Variants in GZF1 observed in about 807,000 individuals in gnomAD.
GZF1 encodes GDNF-inducible zinc finger protein 1.
A neutral mutation model predicts 49.4 loss-of-function variants in GZF1; 28 were observed. That is an observed-to-expected ratio of 0.57 (90% CI 0.42 to 0.78). GZF1 has a LOEUF of 0.78. Ranked by LOEUF, GZF1 falls within the 30% of genes least tolerant of loss-of-function variation. The pLI, the probability that GZF1 is intolerant of heterozygous loss-of-function variation, is 0.00. For missense variants in GZF1, 798 were observed against 916.2 expected (o/e 0.87, Z 1.67); for synonymous variants, 364 against 356.0 (o/e 1.02, Z -0.25).
chr20:23,369,204 A>G (rs1364182309), intron 4 of GZF1, among the ~76,000 whole-genome samples: 1 of 152,234 alleles, frequency 6.6e-6, no homozygotes. Context: ...GTGTGAATGT[A>G]GGAAGTGGAT....
At chr20:23,361,545 C>A (rs564003327), upstream of GZF1, among the ~76,000 whole-genome samples, 27 of 152,288 alleles carry the variant, frequency 1.8e-4, no homozygotes, top group East Asian at 5.2e-3. Flanking sequence ...CGCGCCGAGC[C>A]CCCCAGCAGG....
intron 2 of GZF1, among the ~76,000 whole-genome samples, chr20:23,366,246 A>G (rs534335219): frequency 7.8e-4 from 119 of 152,220 alleles, no homozygotes; most frequent in Non-Finnish European, 1.0e-3. Flanking sequence ...CTGTTTCTTA[A>G]TATGTTTCTG....
rs546714023 is a variant in GZF1, at chr20:23,370,198, A to G, written c.1893A>G (p.Ser631=). 3 of 1,614,250 alleles carry G rather than the reference A, an allele frequency of 1.9e-6. No homozygotes were observed. The East Asian group carries it at 6.7e-5, about 36-fold the overall frequency. The part of the protein sequence containing the change: ...KTEQPDEEYV[S]SKLSDKLLSF... ...AACAGCCTGACGAAGAGTATGTGTC[A>G]TCCAAGCTTTCGGATAAATTGCTGT... is the stretch of plus-strand genomic sequence containing the variant. The change falls in exon 6 of 6, where the codon TCA becomes TCG. Residue 631 remains serine, a synonymous_variant. Transcript: ENST00000338121.
chr20:23,369,501 C>A, intron 4 of GZF1, 83 bp from the exon 5 acceptor site: 1 of 1,276,012 alleles, frequency 7.8e-7, no homozygotes, highest in Non-Finnish European at 1.1e-6. Flanking sequence ...TTTGCAACAG[C>A]ATCATTCACT....
In GZF1 at chr20:23,364,481, T is replaced by G; in HGVS notation, c.98T>G (p.Val33Gly). Residue 33 changes from valine (V) to glycine (G), a missense_variant, in exon 2 of 6, where the codon GTG becomes GGG. Around this residue, in one of 3 missense-constraint regions of GZF1, gnomAD observed 105 missense variants for 147.5 expected, o/e 0.71. Coordinates refer to ENST00000338121, the MANE Select transcript of GZF1 (RefSeq NM_022482.5). ...ELRLLGHLCD[V>G]TVSVEYQGVR... ...CGCCTCCTGGGTCACCTGTGTGACG[T>G]GACAGTCAGCGTGGAGTATCAGGGT... 2 of 1,614,246 alleles carry G rather than the reference T, an allele frequency of 1.2e-6. No individual in the cohort carries two copies. Among genetic ancestry groups the G allele is most frequent in the Non-Finnish European group, 1.7e-6 (2 of 1,180,038 alleles).
intron 5 of GZF1, 21 bp downstream of exon 5, chr20:23,369,762 T>A: frequency 6.3e-7 from 1 of 1,593,080 alleles, no homozygotes; most frequent in South Asian, 1.1e-5. Context: ...GGTTGGCTTA[T>A]TTGAGAAACA....
In GZF1 at chr20:23,364,588, A is replaced by G; in HGVS notation, c.205A>G (p.Ser69Gly). Residue 69 changes from serine (S) to glycine (G), a missense_variant, in exon 2 of 6, where the codon AGT (serine) becomes GGT (glycine). Physicochemically the swap from Ser to Gly is moderately conservative, Grantham distance 56 (BLOSUM62 0). Coordinates refer to ENST00000338121, the MANE Select transcript of GZF1 (RefSeq NM_022482.5). ...TAAGGAAGTGTTCCTTAATGAGAAG[A>G]GTGTGGATGGTACTAGGACTAATGT... ...FFKEVFLNEK[S>G]VDGTRTNVYL... The G allele has an allele frequency of 6.2e-7, 1 of 1,614,184 alleles. No individual in the cohort carries two copies. The highest frequency in any genetic ancestry group is 8.5e-7 in the Non-Finnish European group (1 of 1,180,036).
chr20:23,365,177 G>T lies in GZF1; in HGVS notation c.794G>T (p.Ser265Ile). 1 of 1,611,484 alleles carries T rather than the reference G, an allele frequency of 6.2e-7. No homozygotes were observed. The highest frequency in any genetic ancestry group is 1.1e-5 in the South Asian group (1 of 90,836). Residue 265 changes from serine (S) to isoleucine (I), a missense_variant, in exon 2 of 6, where the codon AGC (serine) becomes ATC (isoleucine). By Grantham distance (142) the Ser-to-Ile change is moderately radical. Around this residue, in one of 3 missense-constraint regions of GZF1, gnomAD observed 247 missense variants for 228.5 expected, o/e 1.08. Coordinates refer to ENST00000338121, the MANE Select transcript of GZF1 (RefSeq NM_022482.5). The stretch of plus-strand genomic sequence containing the variant: ...GACTACAGGTGTCCCCAGGACCAAA[G>T]CCCGGACAGGGTGGGCACGGAGATG... The part of the protein sequence containing the change: ...VGDYRCPQDQ[S>I]PDRVGTEMEQ...
chr20:23,361,986 T>C (rs934655978), upstream of GZF1, among the ~76,000 whole-genome samples: 1 of 151,532 alleles, frequency 6.6e-6, no homozygotes, highest in Non-Finnish European at 1.5e-5. Flanking sequence ...ATGCGGCGGG[T>C]GACGCAATCC....
In GZF1 at chr20:23,370,510, A is replaced by G. The variant is rs1981978066; in HGVS notation, c.*69A>G. ...GCTGAACTCAAGATGATGTGGGGCT[A>G]AGAAAAATAATTGTCCATGTGCAAA... On this transcript the variant is annotated 3_prime_UTR_variant, in exon 6 of 6. Transcript: ENST00000338121. The G allele has an allele frequency of 4.9e-6, 5 of 1,029,972 alleles. No individual in the cohort carries two copies. The highest frequency in any genetic ancestry group is 4.1e-4 in the Middle Eastern group (2 of 4,886). The allele number at this position is 1,029,972 out of a possible 1,614,324, so 63.8% of individuals were successfully genotyped here. A position where few individuals can be genotyped will look rare whatever the true frequency, so the allele number is the denominator to read the frequency against.
chr20:23,368,095 A>T (rs1981616378), intron 3 of GZF1, among the ~76,000 whole-genome samples: 1 of 152,262 alleles, frequency 6.6e-6, no homozygotes, highest in Non-Finnish European at 1.5e-5. Context: ...TGACTACAGA[A>T]TGAGTAGAAT....
rs1982007581 is a variant in GZF1, at chr20:23,370,815, TC to T, written c.*376del. 1.6e-5 allele frequency: 3 copies of T among 186,856 alleles called. No individual in the cohort carries two copies. The Admixed American group carries it at 1.9e-4, about 12-fold the overall frequency. 11.6% of individuals were successfully genotyped at this position (186,856 alleles called of 1,614,324 possible). ...CTCCTGATATTGTAGTTAGCAGTCT[TC>T]CTGGCTTCTCACTCTGCCTTATATT... On this transcript the variant is annotated 3_prime_UTR_variant, in exon 6 of 6. Coordinates refer to ENST00000338121, the MANE Select transcript of GZF1 (RefSeq NM_022482.5).
Position 23,370,517 on chromosome 20 carries a change from A to C in GZF1, c.*76A>C. On this transcript the variant is annotated 3_prime_UTR_variant, in exon 6 of 6. Coordinates refer to ENST00000338121, the MANE Select transcript of GZF1 (RefSeq NM_022482.5). ...TCAAGATGATGTGGGGCTAAGAAAA[A>C]TAATTGTCCATGTGCAAAGATGTGG... The C allele has an allele frequency of 6.2e-6, 6 of 968,830 alleles. No individual in the cohort carries two copies. The South Asian group carries it at 8.6e-5, about 14-fold the overall frequency. The allele number at this position is 968,830 out of a possible 1,614,324, so 60.0% of individuals were successfully genotyped here.
chr20:23,368,737 G>A, intron 3 of GZF1, 25 bp from the exon 4 acceptor site: 2 of 1,585,506 alleles, frequency 1.3e-6, no homozygotes, highest in South Asian at 2.3e-5. Context: ...TATTGTTTAT[G>A]ACTTTATTTC....
intron 1 of GZF1, 42 bp from the exon 2 acceptor site, chr20:23,364,311 GTCCTTTTGCA>G: frequency 1.9e-6 from 2 of 1,039,552 alleles, no homozygotes; most frequent in Non-Finnish European, 2.8e-6. Context: ...ATAAATTTTA[GTCCTTTTGCA>G]TCAGTGGTTG....
rs1000133114 is a variant in GZF1 at position 23,372,742 on chromosome 20, G to T, written c.*2301G>T. On this transcript the variant is annotated 3_prime_UTR_variant, in exon 6 of 6. Coordinates refer to ENST00000338121, the MANE Select transcript of GZF1 (RefSeq NM_022482.5). ...TGGTCCCAAGTGTGTAATGAGGAAA[G>T]TGGCCAGGTGCCGGCACAGTGCCTC... is the stretch of plus-strand genomic sequence containing the variant. The T allele has an allele frequency of 6.6e-6, 1 of 152,214 alleles. No homozygotes were observed. The highest frequency in any genetic ancestry group is 1.5e-5 in the Non-Finnish European group (1 of 68,058). 9.4% of individuals were successfully genotyped at this position (152,214 alleles called of 1,614,324 possible). A position where few individuals can be genotyped will look rare whatever the true frequency, so the allele number is the denominator to read the frequency against.
intron 2 of GZF1, among the ~76,000 whole-genome samples, chr20:23,366,505 CT>C (rs1337681878): frequency 6.6e-6 from 1 of 152,272 alleles, no homozygotes; most frequent in East Asian, 1.9e-4. Flanking sequence ...CATTAAAATG[CT>C]TATGCATTTT....
At chr20:23,364,147 C>G (rs79425937) in intron 1 of GZF1, among the ~76,000 whole-genome samples, 1 of 152,336 alleles carries the variant, frequency 6.6e-6, no homozygotes, top group African/African-American at 2.4e-5. Flanking sequence ...CCTTAGAATA[C>G]ACTATTTTTC....
chr20:23,370,487 T>TAA lies in GZF1; in HGVS notation c.*46_*47insAA. 8.2e-7 allele frequency: 1 copy of TAA among 1,226,516 alleles called. No homozygotes were observed. The highest frequency in any genetic ancestry group is 2.3e-5 in the East Asian group (1 of 43,048). The allele number at this position is 1,226,516 out of a possible 1,614,324, so 76.0% of individuals were successfully genotyped here. On this transcript the variant is annotated 3_prime_UTR_variant, in exon 6 of 6. Transcript: ENST00000338121. The stretch of plus-strand genomic sequence containing the variant: ...CCTGTTAGTCTGCGTGTGTGGTAGC[T>TAA]GAACTCAAGATGATGTGGGGCTAAG...
Sources: allele counts gnomAD v4.1 joint callset (sites outside exome capture counted in the v4.1 genomes callset), GRCh38; gene constraint gnomAD v4.1.1; regional missense constraint gnomAD v4.1.1; transcripts MANE v1.5; gene names NCBI Gene and HGNC (gene_info 2026-07-23, HGNC 2026-07-21).